Variants in CCSER1 observed in about 807,000 individuals in gnomAD.
CCSER1 encodes the protein serine-rich coiled-coil domain-containing protein 1.
In CCSER1, 41 loss-of-function variants were observed where a neutral mutation model predicts 82.0. The ratio of observed to expected loss-of-function variants is 0.50; its 90% CI spans 0.39 to 0.65. CCSER1 has a LOEUF of 0.65. CCSER1 is among the 30% of genes least tolerant of loss of function. The pLI is 0.00. For synonymous variants in CCSER1, 414 were observed against 383.9 expected (o/e 1.08, Z -0.92); for missense variants, 1,119 against 1,064.2 (o/e 1.05, Z -0.72).
At chr4:90,493,968 G>A (rs1292132556) in intron 5 of CCSER1, among the ~76,000 whole-genome samples, 1 of 152,130 alleles carries the variant, frequency 6.6e-6, no homozygotes, top group Non-Finnish European at 1.5e-5. Context: ...AAGACAGACT[G>A]GCAATTGGAT....
intron 9 of CCSER1, among the ~76,000 whole-genome samples, chr4:90,933,689 G>GT (rs33937740): frequency 9.6e-4 from 144 of 149,756 alleles, no homozygotes; most frequent in East Asian, 6.9e-3. Flanking sequence ...ACTTTTGGAA[G>GT]TTTTTTTTTT....
At chr4:90,969,103 C>T (rs752100873) in intron 9 of CCSER1, among the ~76,000 whole-genome samples, 58 of 151,546 alleles carry the variant, frequency 3.8e-4, no homozygotes, top group Non-Finnish European at 5.0e-4. Context: ...TTGAAATCAT[C>T]CAGTCAGAGG....
Position 90,857,909 on chromosome 4 carries a change from G to A in CCSER1, c.2094+42064G>A, listed in dbSNP as rs147360320. Among the ~76,000 whole-genome samples the A allele has an allele frequency of 1.7e-3, 259 of 152,122 alleles. 1 individual carries two copies. Among genetic ancestry groups the A allele is most frequent in the Non-Finnish European group, 3.0e-3 (202 of 67,984 alleles). On this transcript the variant is annotated intron_variant, in intron 8 of 10. Transcript: ENST00000509176. Reference sequence around the variant, plus strand: ...TGCTCTTGCCATAGGGAGAAAATGGGTAACTATGTGAGATGATGTACAAGT... The same window carrying A: ...TGCTCTTGCCATAGGGAGAAAATGGATAACTATGTGAGATGATGTACAAGT...
At chr4:90,537,127 A>C (rs1226643047) in intron 5 of CCSER1, among the ~76,000 whole-genome samples, 1 of 152,162 alleles carries the variant, frequency 6.6e-6, no homozygotes, top group Admixed American at 6.5e-5. Context: ...CCTCAGGTGA[A>C]CCTTTTTAAG....
At chr4:90,472,870 T>TA (rs1764579786) in intron 5 of CCSER1, among the ~76,000 whole-genome samples, 1 of 152,036 alleles carries the variant, frequency 6.6e-6, no homozygotes, top group Non-Finnish European at 1.5e-5. Context: ...ATATACACCA[T>TA]AAAAAAGAGT....
chr4:90,206,929 AT>A (rs1388824104), intron 1 of CCSER1, among the ~76,000 whole-genome samples: 3 of 152,090 alleles, frequency 2.0e-5, no homozygotes, highest in Non-Finnish European at 4.4e-5. Context: ...CTTTACCGTT[AT>A]TTAATGCCCT....
intron 5 of CCSER1, among the ~76,000 whole-genome samples, chr4:90,598,717 G>C (rs1560785180): frequency 6.6e-6 from 1 of 152,072 alleles, no homozygotes; most frequent in Non-Finnish European, 1.5e-5. Context: ...ATTGGGGGTG[G>C]AGTGGATCAT....
Position 91,467,548 on chromosome 4 carries a change from A to G in CCSER1, c.2218-131024A>G, listed in dbSNP as rs1162909960. Among the ~76,000 whole-genome samples, 3 of 152,332 alleles carry G rather than the reference A, an allele frequency of 2.0e-5. No homozygotes were observed. In the East Asian group the frequency reaches 5.8e-4, roughly 29 times the overall value. ...CTTCTGCACAGCAAAAGAAACTACCATCAGAGTGAACAGGCAACCTACAGA... is the reference window on the plus strand; with the variant it reads ...CTTCTGCACAGCAAAAGAAACTACCGTCAGAGTGAACAGGCAACCTACAGA... On this transcript the variant is annotated intron_variant, in intron 10 of 10. Coordinates refer to ENST00000509176, the MANE Select transcript of CCSER1 (RefSeq NM_001145065.2).
At chr4:90,345,932 G>A (rs1742252081) in intron 3 of CCSER1, among the ~76,000 whole-genome samples, 1 of 151,768 alleles carries the variant, frequency 6.6e-6, no homozygotes, top group Non-Finnish European at 1.5e-5. Context: ...TTCTCTATAG[G>A]CTGTGATGGT....
intron 10 of CCSER1, among the ~76,000 whole-genome samples, chr4:91,474,743 G>A (rs1016429153): frequency 1.4e-5 from 2 of 138,492 alleles, no homozygotes; most frequent in African/African-American, 2.7e-5. Flanking sequence ...ATACATACAT[G>A]CACACACACA....
At chr4:90,188,949 G>C (rs577402022) in intron 1 of CCSER1, among the ~76,000 whole-genome samples, 71 of 152,030 alleles carry the variant, frequency 4.7e-4, no homozygotes, top group African/African-American at 1.6e-3. Context: ...AGAGAAGTTT[G>C]CTACACACAA....
At chr4:90,895,081 T>G (rs1723512237) in intron 8 of CCSER1, among the ~76,000 whole-genome samples, 1 of 151,954 alleles carries the variant, frequency 6.6e-6, no homozygotes, top group African/African-American at 2.4e-5. Flanking sequence ...TGTAAATATT[T>G]AAGACAGTTC....
chr4:91,010,345 G>C (rs1307446594), intron 9 of CCSER1, among the ~76,000 whole-genome samples: 1 of 152,096 alleles, frequency 6.6e-6, no homozygotes, highest in Admixed American at 6.6e-5. Context: ...AAAATTCCCT[G>C]TTTGTCTTTA....
At chr4:90,490,124 T>A (rs1442454864) in intron 5 of CCSER1, among the ~76,000 whole-genome samples, 1 of 152,182 alleles carries the variant, frequency 6.6e-6, no homozygotes, top group Non-Finnish European at 1.5e-5. Flanking sequence ...TTGAACCAGT[T>A]TACAGTCCCA....
At chr4:90,326,055 C>CTTTTTTTTTT (rs371592827) in intron 3 of CCSER1, among the ~76,000 whole-genome samples, 2 of 111,590 alleles carry the variant, frequency 1.8e-5, no homozygotes, top group Non-Finnish European at 3.6e-5. Flanking sequence ...TATGTGATAC[C>CTTTTTTTTTT]TTTTTTTTTT....
intron 1 of CCSER1, among the ~76,000 whole-genome samples, chr4:90,185,876 A>C (rs936834391): frequency 6.6e-6 from 1 of 152,068 alleles, no homozygotes. Flanking sequence ...GGATTACTAC[A>C]TCCCTCATTA....
At chr4:90,701,118 T>G (rs895512790) in intron 6 of CCSER1, among the ~76,000 whole-genome samples, 1 of 152,330 alleles carries the variant, frequency 6.6e-6, no homozygotes, top group Middle Eastern at 3.4e-3. Flanking sequence ...TGGTTTTAGG[T>G]TTAACATTGA....
chr4:91,192,415 C>G (rs1242796527), intron 10 of CCSER1, among the ~76,000 whole-genome samples: 2 of 150,646 alleles, frequency 1.3e-5, no homozygotes, highest in Non-Finnish European at 2.9e-5. Flanking sequence ...CAGGATAACT[C>G]TGTCGATTGA....
At chr4:91,426,866 T>C (rs1401638439) in intron 10 of CCSER1, among the ~76,000 whole-genome samples, 3 of 152,222 alleles carry the variant, frequency 2.0e-5, no homozygotes, top group Admixed American at 1.3e-4. Flanking sequence ...AAGCATGTTA[T>C]ATTTATTGAA....
Sources: allele counts gnomAD v4.1 joint callset (sites outside exome capture counted in the v4.1 genomes callset), GRCh38; gene constraint gnomAD v4.1.1; transcripts MANE v1.5; gene names NCBI Gene and HGNC (gene_info 2026-07-23, HGNC 2026-07-21).